Variants in QTGAL observed in about 807,000 individuals in gnomAD.
QTGAL encodes the protein BGnT-like protein 1.
the QTGAL span, chr17:82,947,202 C>G: frequency 2.0e-6 from 1 of 512,304 alleles, no homozygotes; most frequent in Non-Finnish European, 3.5e-6. Context: ...AGAGGGGAGG[C>G]CCCCCCTGCC....
At chr17:82,999,660 A>G in the QTGAL span, among the ~76,000 whole-genome samples, 1 of 152,364 alleles carries the variant, frequency 6.6e-6, no homozygotes, top group South Asian at 2.1e-4. Flanking sequence ...AAGGAAGAGA[A>G]AATACATTTA....
the QTGAL span, among the ~76,000 whole-genome samples, chr17:82,995,513 G>C: frequency 6.6e-6 from 1 of 151,846 alleles, no homozygotes; most frequent in African/African-American, 2.4e-5. Flanking sequence ...CTCCCAAGTA[G>C]CTGGGATTAC....
chr17:83,016,935 T>G, the QTGAL span, among the ~76,000 whole-genome samples: 1 of 152,226 alleles, frequency 6.6e-6, no homozygotes, highest in Admixed American at 6.5e-5. Context: ...TTCCGACCCC[T>G]GGTCTAGACA....
At chr17:82,990,595 C>A in the QTGAL span, among the ~76,000 whole-genome samples, 7 of 152,200 alleles carry the variant, frequency 4.6e-5, no homozygotes, top group Non-Finnish European at 7.3e-5. Context: ...ATTCCAAATC[C>A]ATCATTATAG....
chr17:82,979,924 ACT>A, the QTGAL span, among the ~76,000 whole-genome samples: 1 of 152,138 alleles, frequency 6.6e-6, no homozygotes, highest in Non-Finnish European at 1.5e-5. Context: ...ACAGACCCAC[ACT>A]CTGTGGTCAG....
the QTGAL span, among the ~76,000 whole-genome samples, chr17:82,955,940 T>C: frequency 4.0e-5 from 6 of 149,824 alleles, no homozygotes; most frequent in Admixed American, 6.6e-5. Flanking sequence ...TAAGTGGGAG[T>C]TGAACAGTGA....
At chr17:82,984,632 T>C in the QTGAL span, among the ~76,000 whole-genome samples, 1 of 151,200 alleles carries the variant, frequency 6.6e-6, no homozygotes, top group Non-Finnish European at 1.5e-5. Flanking sequence ...CAGAGAGGCA[T>C]GAGGAGGAAC....
the QTGAL span, among the ~76,000 whole-genome samples, chr17:83,039,319 C>CAGATTAGCTCAT: frequency 1.4e-4 from 8 of 58,950 alleles, no homozygotes; most frequent in African/African-American, 1.7e-4. Flanking sequence ...AGACACACTG[C>CAGATTAGCTCAT]TGGGCGCCCG....
At chr17:83,027,759 T>C in the QTGAL span, among the ~76,000 whole-genome samples, 3,613 of 144,142 alleles carry the variant, frequency 0.025, 105 homozygotes, top group African/African-American at 0.072. Flanking sequence ...ATCCACAATC[T>C]ATATACCTGA....
chr17:82,969,730 A>T, the QTGAL span, among the ~76,000 whole-genome samples: 1 of 152,160 alleles, frequency 6.6e-6, no homozygotes, highest in African/African-American at 2.4e-5. Context: ...CCCAGGCTGG[A>T]ATGCAGTGGC....
At chr17:83,008,363 ACAAG>A in the QTGAL span, among the ~76,000 whole-genome samples, 1 of 152,258 alleles carries the variant, frequency 6.6e-6, no homozygotes, top group Non-Finnish European at 1.5e-5. Flanking sequence ...GTTGATCCCA[ACAAG>A]CAATCTTGGA....
chr17:83,036,905 A>C, the QTGAL span, among the ~76,000 whole-genome samples: 1 of 152,144 alleles, frequency 6.6e-6, no homozygotes, highest in Admixed American at 6.5e-5. Context: ...AGTAACAAGC[A>C]GAAATTCATG....
the QTGAL span, among the ~76,000 whole-genome samples, chr17:82,968,645 G>T: frequency 0.013 from 2,012 of 152,286 alleles, 61 homozygotes; most frequent in African/African-American, 0.046. Flanking sequence ...GACAGACGTC[G>T]CATCTGTGGA....
the QTGAL span, among the ~76,000 whole-genome samples, chr17:82,958,064 CCAGCCCCGCCCTCTCTCCTCCCACCG>C: frequency 3.3e-5 from 5 of 152,128 alleles, no homozygotes; most frequent in African/African-American, 7.2e-5. Context: ...CGGGCCCTTC[CCAGCCCCGCCCTCTCTCCTCCCACCG>C]CAGCCCCTCC....
At chr17:83,032,046 AGGCCTCC>A in the QTGAL span, among the ~76,000 whole-genome samples, 1 of 152,154 alleles carries the variant, frequency 6.6e-6, no homozygotes, top group African/African-American at 2.4e-5. Context: ...AGACCAGGCC[AGGCCTCC>A]GACGCAGACC....
chr17:83,006,083 T>A, the QTGAL span: 1 of 998,164 alleles, frequency 1.0e-6, no homozygotes, highest in African/African-American at 1.7e-5. This position sits in a 1 kb window ranked among gnomAD's most constrained non-coding sequence, Gnocchi z 5.8. Flanking sequence ...GCCTCCCGAG[T>A]AGACGTTCTC....
At chr17:82,967,696 A>G in the QTGAL span, among the ~76,000 whole-genome samples, 1 of 152,138 alleles carries the variant, frequency 6.6e-6, no homozygotes, top group African/African-American at 2.4e-5. Context: ...TAATCCCAGC[A>G]CTTTGGGAGT....
At chr17:82,951,517 G>A in the QTGAL span, among the ~76,000 whole-genome samples, 4 of 152,094 alleles carry the variant, frequency 2.6e-5, no homozygotes, top group Admixed American at 1.3e-4. Context: ...CTCCCTATCC[G>A]CACTATCATT....
chr17:83,050,251 T>G, the QTGAL span, among the ~76,000 whole-genome samples: 1 of 152,078 alleles, frequency 6.6e-6, no homozygotes. Context: ...ATGCCTGTAA[T>G]CCCAGCTACT....
Sources: allele counts gnomAD v4.1 joint callset (sites outside exome capture counted in the v4.1 genomes callset), GRCh38; gene constraint gnomAD v4.1.1; non-coding constraint Gnocchi (gnomAD v3.1); transcripts MANE v1.5; gene names NCBI Gene and HGNC (gene_info 2026-07-23, HGNC 2026-07-21).